The following CSMD3 variants were observed in gnomAD, a reference collection of about 807,000 sequenced individuals.
CSMD3 encodes CUB and Sushi multiple domains 3.
A neutral mutation model predicts 435.2 loss-of-function variants in CSMD3; 177 were observed. The ratio of observed to expected loss-of-function variants is 0.41; its 90% CI spans 0.36 to 0.46. CSMD3 has a LOEUF of 0.46. Among genes scored for constraint, CSMD3 ranks in the 20% least tolerant of loss-of-function variants. CSMD3 has a pLI of 0.34. For missense variants in CSMD3, 4,265 were observed against 4,504.6 expected (o/e 0.95, Z 1.52); for synonymous variants, 1,656 against 1,520.5 (o/e 1.09, Z -2.07).
At chr8:112,616,623 A>G (rs1205483677) in intron 22 of CSMD3, among the ~76,000 whole-genome samples, 1 of 152,132 alleles carries the variant, frequency 6.6e-6, no homozygotes, top group Non-Finnish European at 1.5e-5. Flanking sequence ...GTAAGGTGAC[A>G]ACACATGGAT....
chr8:112,265,619 G>A lies in CSMD3; in HGVS notation c.9509-29C>T, dbSNP rs758655835. The A allele has an allele frequency of 9.9e-6, 15 of 1,515,952 alleles. No homozygotes were observed. In the South Asian group the frequency reaches 1.6e-4, roughly 16 times the overall value. 93.9% of individuals were successfully genotyped at this position (1,515,952 alleles called of 1,614,324 possible). A position where few individuals can be genotyped will look rare whatever the true frequency, so the allele number is the denominator to read the frequency against. Reference sequence around the variant, plus strand: ...TCAGTATTGGATTAGAAGAGCAGATGGTTAATGAGGCATGTATTTAATGGA... The same window carrying A: ...TCAGTATTGGATTAGAAGAGCAGATAGTTAATGAGGCATGTATTTAATGGA... On this transcript the variant is annotated intron_variant, in intron 59 of 70. Coordinates refer to ENST00000297405, the MANE Select transcript of CSMD3 (RefSeq NM_198123.2).
intron 29 of CSMD3, among the ~76,000 whole-genome samples, chr8:112,505,680 GT>G (rs141045960): frequency 7.3e-5 from 11 of 151,398 alleles, no homozygotes; most frequent in South Asian, 2.1e-4. Flanking sequence ...TAGTTATTAC[GT>G]TTTTTTTCTG....
At chr8:112,765,284 G>GA (rs1193918885) in intron 13 of CSMD3, among the ~76,000 whole-genome samples, 1 of 151,648 alleles carries the variant, frequency 6.6e-6, no homozygotes, top group East Asian at 1.9e-4. Flanking sequence ...GGATTTGGCT[G>GA]AAAAAAACTA....
intron 13 of CSMD3, among the ~76,000 whole-genome samples, chr8:112,758,125 C>A (rs573459943): frequency 6.6e-6 from 1 of 151,862 alleles, no homozygotes; most frequent in Non-Finnish European, 1.5e-5. Flanking sequence ...GAGCCCGAGG[C>A]GGGTGGATCA....
chr8:112,389,028 T>G (rs1830193344), intron 36 of CSMD3, among the ~76,000 whole-genome samples: 1 of 152,048 alleles, frequency 6.6e-6, no homozygotes, highest in African/African-American at 2.4e-5. Flanking sequence ...AAAAATAGTC[T>G]ATTAGGAGTC....
chr8:112,836,206 T>A (rs568357259), intron 11 of CSMD3, among the ~76,000 whole-genome samples: 2 of 152,004 alleles, frequency 1.3e-5, no homozygotes, highest in East Asian at 3.9e-4. Flanking sequence ...AAGTATGTTT[T>A]ACATAGGTAT....
At chr8:112,245,188 CCTAA>C (rs1227635452) in intron 64 of CSMD3, among the ~76,000 whole-genome samples, 3 of 151,916 alleles carry the variant, frequency 2.0e-5, no homozygotes, top group Admixed American at 6.6e-5. Flanking sequence ...ATTTTGTTCA[CCTAA>C]CTCTCTCTCC....
At chr8:113,252,348 T>A (rs982737664) in intron 3 of CSMD3, among the ~76,000 whole-genome samples, 1 of 152,136 alleles carries the variant, frequency 6.6e-6, no homozygotes, top group South Asian at 2.1e-4. Flanking sequence ...CACAGAGGCT[T>A]AAAAATTGTC....
chr8:112,635,898 C>A (rs1310584851), intron 22 of CSMD3, among the ~76,000 whole-genome samples: 1 of 152,090 alleles, frequency 6.6e-6, no homozygotes, highest in African/African-American at 2.4e-5. Context: ...TACCAATTTT[C>A]CTGATTTTGT....
At chr8:112,623,930 G>A (rs1834278590) in intron 22 of CSMD3, among the ~76,000 whole-genome samples, 1 of 151,952 alleles carries the variant, frequency 6.6e-6, no homozygotes, top group Admixed American at 6.6e-5. Flanking sequence ...AATTTCAAAA[G>A]GCTGAGTTTA....
intron 32 of CSMD3, among the ~76,000 whole-genome samples, chr8:112,465,923 C>A (rs540387281): frequency 6.7e-6 from 1 of 149,004 alleles, no homozygotes; most frequent in African/African-American, 2.5e-5. Context: ...TGCAGTGAGC[C>A]GAGATGGCAC....
intron 63 of CSMD3, among the ~76,000 whole-genome samples, chr8:112,251,740 G>A (rs1046205694): frequency 6.6e-6 from 1 of 151,648 alleles, no homozygotes; most frequent in African/African-American, 2.4e-5. Context: ...ATAACTTTAT[G>A]TAACAAGCCC....
chr8:113,357,429 A>G (rs1325545788), intron 1 of CSMD3, among the ~76,000 whole-genome samples: 1 of 152,240 alleles, frequency 6.6e-6, no homozygotes, highest in African/African-American at 2.4e-5. Flanking sequence ...ACATGTCATT[A>G]TTCAGTACTT....
intron 11 of CSMD3, among the ~76,000 whole-genome samples, chr8:112,850,777 T>C (rs1249381321): frequency 6.6e-6 from 1 of 152,180 alleles, no homozygotes; most frequent in Non-Finnish European, 1.5e-5. Flanking sequence ...TTTCTTGAGT[T>C]TGCCTATTTC....
At chr8:113,308,625 T>C (rs1219178625) in intron 2 of CSMD3, among the ~76,000 whole-genome samples, 2 of 152,246 alleles carry the variant, frequency 1.3e-5, no homozygotes, top group African/African-American at 2.4e-5. Context: ...TAATTTGGTA[T>C]ATTGTTCAAT....
At chr8:112,542,677 G>C (rs1033224283) in intron 27 of CSMD3, among the ~76,000 whole-genome samples, 1 of 151,780 alleles carries the variant, frequency 6.6e-6, no homozygotes, top group African/African-American at 2.4e-5. Context: ...ACAAATGGAA[G>C]AACAGCCTCT....
intron 11 of CSMD3, among the ~76,000 whole-genome samples, chr8:112,842,485 T>G (rs779146953): frequency 2.6e-5 from 4 of 151,806 alleles, no homozygotes; most frequent in East Asian, 1.9e-4. Context: ...TTTATTAGTG[T>G]TGTTGGTGGT....
At chr8:112,820,790 C>T (rs1379336495) in intron 12 of CSMD3, among the ~76,000 whole-genome samples, 1 of 152,014 alleles carries the variant, frequency 6.6e-6, no homozygotes, top group East Asian at 1.9e-4. Context: ...GCTATTTGTC[C>T]TAATGCTCTT....
chr8:112,392,580 T>C (rs778582532), intron 35 of CSMD3, among the ~76,000 whole-genome samples: 32 of 151,298 alleles, frequency 2.1e-4, no homozygotes, highest in Non-Finnish European at 4.3e-4. Flanking sequence ...ATTGATGAAG[T>C]GTTGATCCTG....
Sources: gnomAD v4.1 joint callset for allele counts (sites outside exome capture counted in the v4.1 genomes callset) on GRCh38, gnomAD v4.1.1 for gene constraint, MANE v1.5 for transcripts, NCBI Gene and HGNC (gene_info 2026-07-23, HGNC 2026-07-21) for gene names.